IFT140: variants seen among roughly 807,000 people sequenced by gnomAD.
The protein encoded by IFT140 is intraflagellar transport protein 140 homolog.
In IFT140, 133 loss-of-function variants were observed where a neutral mutation model predicts 164.6. The ratio of observed to expected loss-of-function variants is 0.81; its 90% CI spans 0.70 to 0.93. The LOEUF (loss-of-function observed/expected upper bound fraction) is 0.93. IFT140 is among the 40% of genes least tolerant of loss of function. The pLI is 0.00. For synonymous variants in IFT140, 860 were observed against 817.3 expected, an observed-to-expected ratio of 1.05 and a Z score of -0.89; for missense variants, 2,045 against 1,972.3, an observed-to-expected ratio of 1.04 and a Z score of -0.70.
intron 13 of IFT140, among the ~76,000 whole-genome samples, chr16:1,573,689 A>G (rs1282367225): frequency 1.3e-5 from 2 of 151,952 alleles, no homozygotes; most frequent in African/African-American, 2.4e-5. Flanking sequence ...CACCCCCCTT[A>G]TAAGAGCCAC....
intron 9 of IFT140, 77 bp from the exon 10 acceptor site, chr16:1,586,352 C>T (rs1416884566): frequency 2.1e-6 from 3 of 1,438,566 alleles, no homozygotes; most frequent in East Asian, 2.3e-5. Flanking sequence ...GTTCTCTAAC[C>T]CCCTTCTTCA....
Position 1,524,589 on chromosome 16 carries a change from C to T in IFT140, c.3104G>A (p.Arg1035Gln), listed in dbSNP as rs138596995. 156 of 1,610,798 alleles carry T rather than the reference C, an allele frequency of 9.7e-5. No homozygotes were observed. The highest frequency in any genetic ancestry group is 2.0e-4 in the Admixed American group (12 of 59,714). The change falls in exon 24 of 31, where the codon CGG becomes CAG. Residue 1035 changes from arginine to glutamine, a missense_variant. Physicochemically the swap from Arg to Gln is conservative, Grantham distance 43 (BLOSUM62 1). Transcript: ENST00000426508. ...EVGQAVHFYT[R>Q]AQAFKNAIRL... ...GATGGCATTCTTGAAGGCCTGTGCC[C>T]GGGTGTAGAAGTGCACCGCCTGCCC... is the stretch of plus-strand genomic sequence containing the variant.
At chr16:1,513,321 C>G (rs1372774563) in intron 30 of IFT140, 1 of 152,074 alleles carries the variant, frequency 6.6e-6, no homozygotes, top group Non-Finnish European at 1.5e-5. Context: ...AACCCCGTCT[C>G]TACTAAAAAA....
At chr16:1,573,563 C>T (rs1053234857) in intron 13 of IFT140, among the ~76,000 whole-genome samples, 1 of 152,172 alleles carries the variant, frequency 6.6e-6, no homozygotes, top group Non-Finnish European at 1.5e-5. Flanking sequence ...CCTATGCCAG[C>T]TCTGCCTCTG....
intron 8 of IFT140, among the ~76,000 whole-genome samples, 190 bp from the exon 9 acceptor site, chr16:1,587,494 C>T (rs1047812315): frequency 2.0e-5 from 3 of 152,194 alleles, no homozygotes; most frequent in African/African-American, 4.8e-5. Flanking sequence ...GAAAGAAAGC[C>T]GTTGCCGATA....
intron 11 of IFT140, among the ~76,000 whole-genome samples, chr16:1,583,783 C>T (rs926949538): frequency 3.9e-5 from 6 of 151,964 alleles, no homozygotes; most frequent in African/African-American, 9.7e-5. Context: ...CTCACTCTGT[C>T]GTCCAGGCTG....
At chr16:1,563,680 G>A (rs1248508434) in intron 17 of IFT140, among the ~76,000 whole-genome samples, 2 of 152,142 alleles carry the variant, frequency 1.3e-5, no homozygotes, top group Non-Finnish European at 2.9e-5. Context: ...CGAGGTTACA[G>A]TGACGCTGCC....
In IFT140 at chr16:1,610,811, T is replaced by C. The variant is rs1030962166; in HGVS notation, c.-179A>G. The C allele has an allele frequency of 6.5e-6, 1 of 153,618 alleles. No individual in the cohort carries two copies. Among genetic ancestry groups the C allele is most frequent in the Non-Finnish European group, 1.5e-5 (1 of 68,216 alleles). 9.5% of individuals were successfully genotyped at this position (153,618 alleles called of 1,614,324 possible). On this transcript the variant is annotated 5_prime_UTR_variant, in exon 2 of 31. Transcript: ENST00000426508. ...AGCCGAAGGCGATCGGGCACGCACG[T>C]GCAGCTCCGAGGCCCGAGCGTCGGG... is the stretch of plus-strand genomic sequence containing the variant.
intron 4 of IFT140, among the ~76,000 whole-genome samples, chr16:1,600,586 G>T (rs977826980): frequency 6.6e-6 from 1 of 152,150 alleles, no homozygotes; most frequent in East Asian, 1.9e-4. Context: ...GGCTGGTTCA[G>T]TAAATTACAA....
intron 30 of IFT140, 128 bp from the exon 31 acceptor site, chr16:1,511,278 G>A: frequency 1.2e-6 from 1 of 804,360 alleles, no homozygotes; most frequent in Non-Finnish European, 2.1e-6. Context: ...AGGACACGGG[G>A]TGCACTGAGG....
intron 19 of IFT140, among the ~76,000 whole-genome samples, chr16:1,557,300 G>C (rs1036794475): frequency 3.9e-5 from 6 of 152,194 alleles, no homozygotes; most frequent in Non-Finnish European, 7.3e-5. Flanking sequence ...TGAAGGATTG[G>C]CCATGCTGCT....
intron 19 of IFT140, chr16:1,532,879 G>A (rs1341374365): frequency 6.6e-6 from 1 of 152,340 alleles, no homozygotes; most frequent in African/African-American, 2.4e-5. Flanking sequence ...CACTCACAAG[G>A]TGACCTGCCT....
chr16:1,584,331 C>A lies in IFT140; in HGVS notation c.1245G>T (p.Gln415His), dbSNP rs1405498103. The A allele has an allele frequency of 1.2e-5, 19 of 1,613,496 alleles. No individual in the cohort carries two copies. Among genetic ancestry groups the A allele is most frequent in the Non-Finnish European group, 1.5e-5 (18 of 1,179,946 alleles). The change falls in exon 11 of 31, where the codon CAG becomes CAT. Residue 415 changes from glutamine to histidine, a missense_variant. Coordinates refer to ENST00000426508, the MANE Select transcript of IFT140 (RefSeq NM_014714.4). The part of the protein sequence containing the change: ...SERAMSSHFH[Q>H]QVAAMQVSPS... Reference sequence around the variant, plus strand: ...GGGAGACCTGCATGGCGGCCACTTGCTGGTGGAAGTGTGACGACATGGCCC... The same window carrying A: ...GGGAGACCTGCATGGCGGCCACTTGATGGTGGAAGTGTGACGACATGGCCC...
chr16:1,540,765 T>A (rs2031555763), intron 19 of IFT140: 2 of 919,686 alleles, frequency 2.2e-6, no homozygotes, highest in Non-Finnish European at 1.3e-6. Flanking sequence ...GCAAGTCATT[T>A]AAAAAGGTGC....
rs745706819 is a variant in IFT140 at position 1,563,978 on chromosome 16, T to C, written c.2067+19A>G. ...GCCACTGAGTGTGTCTAAACTCAAA[T>C]ACAACAGGCAGAGCGTACCGCAGGG... On this transcript the variant is annotated intron_variant, in intron 17 of 30. Transcript: ENST00000426508. 7 of 1,542,530 alleles carry C rather than the reference T, an allele frequency of 4.5e-6. No individual in the cohort carries two copies. The highest frequency in any genetic ancestry group is 1.4e-5 in the African/African-American group (1 of 72,478).
chr16:1,554,654 C>A lies in IFT140; in HGVS notation c.2399+3281G>T. The A allele has an allele frequency of 1.6e-5, 22 of 1,379,918 alleles. 2 individuals carry two copies. In the South Asian group the frequency reaches 3.1e-4, roughly 19 times the overall value. 85.5% of individuals were successfully genotyped at this position (1,379,918 alleles called of 1,614,324 possible). On this transcript the variant is annotated intron_variant, in intron 19 of 30. Transcript: ENST00000426508. ...GGGGAAGGATAAAGCAGGCTGGAAC[C>A]CGCTCTAGGACAGAGGGCTGGGGAA... is the stretch of plus-strand genomic sequence containing the variant.
chr16:1,592,700 G>A (rs956746231), intron 4 of IFT140, 112 bp from the exon 5 acceptor site: 10 of 1,467,208 alleles, frequency 6.8e-6, no homozygotes, highest in Middle Eastern at 1.8e-4. Context: ...CCGGCAGAGC[G>A]ACTGGTGGAG....
intron 19 of IFT140, among the ~76,000 whole-genome samples, chr16:1,538,143 G>A (rs1282427493): frequency 6.6e-6 from 1 of 152,242 alleles, no homozygotes; most frequent in African/African-American, 2.4e-5. Flanking sequence ...GCTCAGACAG[G>A]AAGGCTCGGG....
chr16:1,553,466 A>G lies in IFT140; in HGVS notation c.2399+4469T>C. The G allele has an allele frequency of 1.0e-6, 1 of 985,428 alleles. No individual in the cohort carries two copies. The allele number at this position is 985,428 out of a possible 1,614,324, so 61.0% of individuals were successfully genotyped here. ...AACAGACGCACAGGTGTCAACATGC[A>G]GGCCAGGCGGAGGGACAGCAGTGGG... On this transcript the variant is annotated intron_variant, in intron 19 of 30. Coordinates refer to ENST00000426508, the MANE Select transcript of IFT140 (RefSeq NM_014714.4). The surrounding 1 kb of genome is among the most constrained non-coding windows in gnomAD (Gnocchi z 4.4).
Sources: gnomAD v4.1 joint callset for allele counts (sites outside exome capture counted in the v4.1 genomes callset) on GRCh38, gnomAD v4.1.1 for gene constraint, Gnocchi (gnomAD v3.1) non-coding constraint, MANE v1.5 for transcripts, NCBI Gene and HGNC (gene_info 2026-07-23, HGNC 2026-07-21) for gene names.